HSPBP1: variants seen among roughly 807,000 people sequenced by gnomAD.
HSPBP1 encodes the protein hsp70-binding protein 1.
Under a neutral mutation model 41.7 loss-of-function variants are expected in HSPBP1, and 31 were observed. The ratio of observed to expected loss-of-function variants is 0.74; its 90% confidence interval spans 0.56 to 1.00. HSPBP1 has a LOEUF of 1.00. HSPBP1 is among the 50% of genes least tolerant of loss of function. The pLI is 0.00. For synonymous variants in HSPBP1, 199 were observed against 214.4 expected, an observed-to-expected ratio of 0.93 and a Z score of 0.63; for missense variants, 439 against 487.9, an observed-to-expected ratio of 0.90 and a Z score of 0.94.
chr19:55,274,292 G>T, intron 4 of HSPBP1, 106 bp downstream of exon 4: 2 of 1,061,050 alleles, frequency 1.9e-6, no homozygotes, highest in Non-Finnish European at 2.7e-6. Context: ...GGGAACAAAC[G>T]AGGGAAGGAG....
intron 4 of HSPBP1, among the ~76,000 whole-genome samples, chr19:55,266,776 G>T (rs2087801232): frequency 6.6e-6 from 1 of 152,082 alleles, no homozygotes; most frequent in African/African-American, 2.4e-5. Context: ...GCCTTTTAAA[G>T]ATATTCACAG....
intron 4 of HSPBP1, among the ~76,000 whole-genome samples, chr19:55,266,804 C>T (rs1227581383): frequency 1.3e-5 from 2 of 152,154 alleles, no homozygotes; most frequent in Non-Finnish European, 2.9e-5. Context: ...TAACCATCAC[C>T]ACTAACTCTA....
intron 7 of HSPBP1, among the ~76,000 whole-genome samples, chr19:55,263,779 C>G (rs1017909336): frequency 2.6e-5 from 4 of 152,120 alleles, no homozygotes; most frequent in South Asian, 2.1e-4. Flanking sequence ...AGAAGGACAC[C>G]TGAGCAACTG....
Position 55,262,546 on chromosome 19 carries a change from G to A in HSPBP1, c.*62C>T, listed in dbSNP as rs1456721968. The stretch of plus-strand genomic sequence containing the variant: ...GATCCCTTGGGAGAGGGCCTTGTAG[G>A]TGGGGAGGGAGGCAAGAGGCCTGGG... On this transcript the variant is annotated 3_prime_UTR_variant, in exon 8 of 8. Transcript: ENST00000433386. 1.9e-6 allele frequency: 3 copies of A among 1,598,034 alleles called. No individual in the cohort carries two copies. In the African/African-American group the frequency reaches 4.0e-5, roughly 21 times the overall value.
At chr19:55,277,944 T>A in intron 2 of HSPBP1, 98 bp from the exon 3 acceptor site, 1 of 1,009,460 alleles carries the variant, frequency 9.9e-7, no homozygotes, top group Non-Finnish European at 1.4e-6. Flanking sequence ...AGGGCTGATG[T>A]TCCTTCAGTC....
intron 1 of HSPBP1, 27 bp downstream of exon 1, chr19:55,280,008 G>C (rs2088189886): frequency 3.4e-6 from 1 of 298,336 alleles, no homozygotes; most frequent in African/African-American, 2.3e-5. Context: ...TCTCCGAAGA[G>C]GGGCGCCGGA....
At position 55,277,633 on chromosome 19, in the gene HSPBP1, G is replaced by T; in HGVS notation, c.415+9C>A. 14 of 1,600,920 alleles carry T rather than the reference G, an allele frequency of 8.7e-6. No homozygotes were observed. The highest frequency in any genetic ancestry group is 1.1e-5 in the Non-Finnish European group (13 of 1,175,086). ...GGGGCAGAACGTCCTGGCGGGGGAA[G>T]CGGGGTACCTGCGGCATTGTCCATG... On this transcript the variant is annotated intron_variant, in intron 3 of 7. Transcript: ENST00000433386.
At chr19:55,274,345 G>GGCC in intron 4 of HSPBP1, 53 bp downstream of exon 4, 51 of 552,662 alleles carry the variant, frequency 9.2e-5, no homozygotes, top group East Asian at 2.6e-4. Context: ...GGCCCACCCG[G>GGCC]CACCCCCCCC....
At chr19:55,279,815 C>G (rs1600160114) in intron 1 of HSPBP1, 113 bp from the exon 2 acceptor site, 1 of 1,229,224 alleles carries the variant, frequency 8.1e-7, no homozygotes, top group Non-Finnish European at 1.1e-6. Flanking sequence ...ACCCACAGGA[C>G]CCTTCCCCAA....
chr19:55,267,660 C>T (rs1485596656), intron 4 of HSPBP1, among the ~76,000 whole-genome samples: 2 of 151,992 alleles, frequency 1.3e-5, no homozygotes, highest in Non-Finnish European at 2.9e-5. Flanking sequence ...AGGGTTTTGC[C>T]ATGTTGGCCA....
rs1258991418 is a variant in HSPBP1 at position 55,262,694 on chromosome 19, AG to A, written c.1006-13del. 13 of 1,610,372 alleles carry A rather than the reference AG, an allele frequency of 8.1e-6. No individual in the cohort carries two copies. Among genetic ancestry groups the A allele is most frequent in the Non-Finnish European group, 1.0e-5 (12 of 1,178,330 alleles). ...AACTCCAGCTCCTCCTGGATTGGGC[AG>A]GGGCAGGGAGCAAGGGGCCTGAGTG... On this transcript the variant is annotated splice_polypyrimidine_tract_variant and intron_variant, in intron 7 of 7. Transcript: ENST00000433386.
chr19:55,277,629 G>C lies in HSPBP1; in HGVS notation c.415+13C>G. ...CAGAGGGGCAGAACGTCCTGGCGGG[G>C]GAAGCGGGGTACCTGCGGCATTGTC... On this transcript the variant is annotated intron_variant, in intron 3 of 7. Transcript: ENST00000433386. 1 of 1,599,880 alleles carries C rather than the reference G, an allele frequency of 6.3e-7. No individual in the cohort carries two copies.
chr19:55,265,423 C>T (rs1321952763), intron 6 of HSPBP1, 34 bp from the exon 7 acceptor site: 1 of 1,551,510 alleles, frequency 6.4e-7, no homozygotes, highest in African/African-American at 1.4e-5. Flanking sequence ...CTTAGGACCT[C>T]CCTCTAGAGG....
At chr19:55,277,986 C>A (rs998810148) in intron 2 of HSPBP1, 140 bp from the exon 3 acceptor site, 6 of 753,014 alleles carry the variant, frequency 8.0e-6, no homozygotes, top group African/African-American at 1.8e-5. Flanking sequence ...GTGGCTCATC[C>A]CTGTAATCCC....
intron 7 of HSPBP1, among the ~76,000 whole-genome samples, chr19:55,264,142 T>C (rs1292358966): frequency 6.6e-6 from 1 of 152,086 alleles, no homozygotes; most frequent in East Asian, 1.9e-4. Context: ...TAATTTTTTG[T>C]ATTTTTAGTA....
chr19:55,265,983 C>G lies in HSPBP1; in HGVS notation c.797-1G>C. 1 of 1,598,166 alleles carries G rather than the reference C, an allele frequency of 6.3e-7. No individual in the cohort carries two copies. Among genetic ancestry groups the G allele is most frequent in the Non-Finnish European group, 8.5e-7 (1 of 1,173,928 alleles). ...ACCATCCCCATGGAGCACAGGGTCC[C>G]TGGGGGGAGGGCTGCAGGGGTCAGA... On this transcript the variant is annotated splice_acceptor_variant, in intron 5 of 7. Coordinates refer to ENST00000433386, the MANE Select transcript of HSPBP1 (RefSeq NM_012267.5). LOFTEE classifies it high-confidence loss of function.
intron 4 of HSPBP1, among the ~76,000 whole-genome samples, chr19:55,273,230 T>C (rs1029345711): frequency 2.6e-5 from 4 of 152,150 alleles, no homozygotes; most frequent in African/African-American, 9.7e-5. Flanking sequence ...GCTCGAGCAA[T>C]TCTCCCGCCT....
chr19:55,277,581 G>T (rs773228255), intron 3 of HSPBP1, 61 bp downstream of exon 3: 23 of 1,512,448 alleles, frequency 1.5e-5, no homozygotes, highest in Admixed American at 3.9e-5. Context: ...AGGGGCAAGA[G>T]CTGAGAGGCA....
At chr19:55,277,943 G>C in intron 2 of HSPBP1, 97 bp from the exon 3 acceptor site, 2 of 1,002,174 alleles carry the variant, frequency 2.0e-6, no homozygotes, top group Non-Finnish European at 2.8e-6. Flanking sequence ...GAGGGCTGAT[G>C]TTCCTTCAGT....
Sources: gnomAD v4.1 joint callset for allele counts (sites outside exome capture counted in the v4.1 genomes callset) on GRCh38, gnomAD v4.1.1 for gene constraint, MANE v1.5 for transcripts, NCBI Gene and HGNC (gene_info 2026-07-23, HGNC 2026-07-21) for gene names.